The following SEMA6D variants were observed in gnomAD, a reference collection of about 807,000 sequenced individuals.
SEMA6D encodes the protein semaphorin-6D.
SEMA6D carries 35 observed loss-of-function variants against 106.6 expected under a neutral mutation model. The ratio of observed to expected loss-of-function variants is 0.33; its 90% CI spans 0.25 to 0.44. SEMA6D has a LOEUF of 0.44. Ranked by LOEUF, SEMA6D falls within the 20% of genes least tolerant of loss-of-function variation. The pLI is 1.00. For missense variants in SEMA6D, 1,185 were observed against 1,345.9 expected (o/e 0.88, Z 1.87); for synonymous variants, 499 against 487.7 (o/e 1.02, Z -0.31).
At chr15:47,503,493 G>A (rs2043927037) in intron 3 of SEMA6D, among the ~76,000 whole-genome samples, 2 of 152,176 alleles carry the variant, frequency 1.3e-5, no homozygotes, top group African/African-American at 4.8e-5. Flanking sequence ...CAGTTCCATA[G>A]CTGTAAAATG....
chr15:47,425,803 C>T (rs374388559), intron 2 of SEMA6D, among the ~76,000 whole-genome samples: 2 of 151,764 alleles, frequency 1.3e-5, no homozygotes, highest in Admixed American at 1.3e-4. Context: ...GTACCTTTTC[C>T]TCCATTTTCA....
intron 4 of SEMA6D, among the ~76,000 whole-genome samples, chr15:47,688,031 T>G (rs2078506434): frequency 6.6e-6 from 1 of 151,950 alleles, no homozygotes; most frequent in African/African-American, 2.4e-5. Flanking sequence ...ACAAATGAGG[T>G]CCAAACTAAC....
chr15:47,646,079 T>C (rs1227351446), intron 4 of SEMA6D, among the ~76,000 whole-genome samples: 1 of 152,116 alleles, frequency 6.6e-6, no homozygotes, highest in African/African-American at 2.4e-5. Context: ...GATTACATCA[T>C]TGGCCATTGA....
chr15:47,698,069 C>A (rs1912643), intron 4 of SEMA6D, among the ~76,000 whole-genome samples: 23,067 of 152,196 alleles, frequency 0.15, 1,871 homozygotes, highest in South Asian at 0.2. Flanking sequence ...TAATGTTTAA[C>A]ATATGCTTGT....
intron 4 of SEMA6D, among the ~76,000 whole-genome samples, chr15:47,676,938 G>T (rs2078257910): frequency 6.6e-6 from 1 of 152,004 alleles, no homozygotes; most frequent in Non-Finnish European, 1.5e-5. Flanking sequence ...TGTGGGGTGG[G>T]TGGGTGGTTC....
intron 3 of SEMA6D, among the ~76,000 whole-genome samples, chr15:47,521,401 G>A (rs1015756410): frequency 2.0e-5 from 3 of 152,086 alleles, no homozygotes. Flanking sequence ...CCCAAATTCT[G>A]GACAATCTCT....
intron 4 of SEMA6D, among the ~76,000 whole-genome samples, chr15:47,671,457 A>G (rs562385119): frequency 1.6e-4 from 24 of 152,340 alleles, no homozygotes; most frequent in African/African-American, 5.5e-4. Flanking sequence ...GAAAACAGGT[A>G]GGATTCAAAT....
At chr15:47,750,139 G>A (rs1198037839) in intron 1 of SEMA6D, among the ~76,000 whole-genome samples, 1 of 152,110 alleles carries the variant, frequency 6.6e-6, no homozygotes, top group Non-Finnish European at 1.5e-5. Context: ...GGCTGAGAAA[G>A]GAAGTGGGAG....
chr15:47,679,966 T>C (rs967781972), intron 4 of SEMA6D, among the ~76,000 whole-genome samples: 5 of 152,116 alleles, frequency 3.3e-5, no homozygotes, highest in African/African-American at 1.2e-4. Flanking sequence ...GAATTTGGAT[T>C]TCCATGCTAA....
intron 3 of SEMA6D, among the ~76,000 whole-genome samples, chr15:47,574,878 GT>G (rs560512613): frequency 6.6e-6 from 1 of 152,072 alleles, no homozygotes; most frequent in Non-Finnish European, 1.5e-5. Context: ...AGTAGTTTTT[GT>G]TTGGTCTTAT....
chr15:47,196,303 C>T (rs781198116), intron 1 of SEMA6D, among the ~76,000 whole-genome samples: 27 of 152,060 alleles, frequency 1.8e-4, no homozygotes, highest in Non-Finnish European at 8.8e-5. Context: ...TCACTGCACC[C>T]GGAGGGTAAT....
intron 4 of SEMA6D, among the ~76,000 whole-genome samples, chr15:47,602,900 C>T (rs1399869956): frequency 6.6e-6 from 1 of 152,110 alleles, no homozygotes; most frequent in Non-Finnish European, 1.5e-5. Context: ...CTAAGAATTA[C>T]AGAGGTGTAA....
At chr15:47,227,447 T>TTTCTTTCTTTCTTTCTTTCTTTC (rs368650431) in intron 1 of SEMA6D, among the ~76,000 whole-genome samples, 4 of 58,436 alleles carry the variant, frequency 6.8e-5, no homozygotes, top group African/African-American at 2.2e-4. Flanking sequence ...CTTTTCTTTC[T>TTTCTTTCTTTCTTTCTTTCTTTC]TTTCTTTCTT....
At chr15:47,484,471 G>A (rs1008092474) in intron 3 of SEMA6D, among the ~76,000 whole-genome samples, 1 of 152,164 alleles carries the variant, frequency 6.6e-6, no homozygotes, top group African/African-American at 2.4e-5. Flanking sequence ...ATCACAAAGA[G>A]GATTAGCGCA....
At chr15:47,731,582 G>T (rs2080126166) in intron 1 of SEMA6D, among the ~76,000 whole-genome samples, 1 of 152,234 alleles carries the variant, frequency 6.6e-6, no homozygotes, top group Admixed American at 6.5e-5. Context: ...TGATGTCCCA[G>T]CTAGCTGCAA....
chr15:47,419,612 T>A (rs1187814174), intron 2 of SEMA6D, among the ~76,000 whole-genome samples: 2 of 152,098 alleles, frequency 1.3e-5, no homozygotes, highest in Admixed American at 1.3e-4. Context: ...ACTTTTATGC[T>A]CCTTGGTAAG....
chr15:47,535,992 G>A (rs1006406822), intron 3 of SEMA6D, among the ~76,000 whole-genome samples: 1 of 152,120 alleles, frequency 6.6e-6, no homozygotes, highest in Non-Finnish European at 1.5e-5. Context: ...GTTAAATTCA[G>A]GCCATCAAGA....
chr15:47,680,592 C>T (rs1056310847), intron 4 of SEMA6D, among the ~76,000 whole-genome samples: 3 of 152,086 alleles, frequency 2.0e-5, no homozygotes, highest in African/African-American at 7.2e-5. Flanking sequence ...AAAATCAGGT[C>T]ATTATTGACA....
intron 1 of SEMA6D, among the ~76,000 whole-genome samples, chr15:47,381,170 A>G (rs893373476): frequency 3.3e-5 from 5 of 152,250 alleles, no homozygotes; most frequent in African/African-American, 1.2e-4. Flanking sequence ...AACTTGGACT[A>G]TGTCTACATG....
Sources: allele counts gnomAD v4.1 joint callset (sites outside exome capture counted in the v4.1 genomes callset), GRCh38; gene constraint gnomAD v4.1.1; transcripts MANE v1.5; gene names NCBI Gene and HGNC (gene_info 2026-07-23, HGNC 2026-07-21).